Variants in SERGEF observed in about 807,000 individuals in gnomAD.
SERGEF encodes secretion regulating guanine nucleotide exchange factor.
A neutral mutation model predicts 50.0 loss-of-function variants in SERGEF; 51 were observed. The ratio of observed to expected loss-of-function variants is 1.02; its 90% CI spans 0.81 to 1.29. The LOEUF (loss-of-function observed/expected upper bound fraction) is 1.29. Among genes scored for constraint, SERGEF ranks in the 50% most tolerant of loss-of-function variants. SERGEF has a pLI of 0.00. For missense variants in SERGEF, 521 were observed against 557.0 expected (o/e 0.94, Z 0.65); for synonymous variants, 205 against 212.4 (o/e 0.97, Z 0.30).
At chr11:17,875,825 T>C (rs1374948892) in intron 10 of SERGEF, among the ~76,000 whole-genome samples, 2 of 152,242 alleles carry the variant, frequency 1.3e-5, no homozygotes, top group African/African-American at 4.8e-5. Flanking sequence ...TGTTCTCTTC[T>C]AGTCTAGTCT....
intron 9 of SERGEF, among the ~76,000 whole-genome samples, chr11:17,879,824 G>A (rs1050751219): frequency 2.6e-5 from 4 of 151,868 alleles, no homozygotes; most frequent in African/African-American, 9.7e-5. Context: ...ACATCATATT[G>A]TATACAGTAA....
intron 10 of SERGEF, among the ~76,000 whole-genome samples, chr11:17,812,279 G>C (rs982349135): frequency 9.9e-5 from 15 of 152,148 alleles, no homozygotes; most frequent in Non-Finnish European, 2.2e-4. Context: ...CCTTAAGAGG[G>C]GTAGGCACAA....
rs1458848979 is a variant in SERGEF, at chr11:17,888,069, G to C, written c.1012-9825C>G. On this transcript the variant is annotated intron_variant, in intron 9 of 10. Coordinates refer to ENST00000265965, the MANE Select transcript of SERGEF (RefSeq NM_012139.4). This position sits in a 1 kb window ranked among gnomAD's most constrained non-coding sequence, Gnocchi z 4.1. ...CCCTATTGTGAACTCCGCGTGGGAG[G>C]GATCTAGGCTGCGCAATCCTTATGA... is the stretch of plus-strand genomic sequence containing the variant. Among the ~76,000 whole-genome samples the C allele has an allele frequency of 1.3e-5, 2 of 152,152 alleles. No individual in the cohort carries two copies. The highest frequency in any genetic ancestry group is 2.9e-5 in the Non-Finnish European group (2 of 68,034).
chr11:17,987,767 A>T (rs1853630600), intron 8 of SERGEF, among the ~76,000 whole-genome samples: 1 of 152,216 alleles, frequency 6.6e-6, no homozygotes, highest in African/African-American at 2.4e-5. Context: ...CTGAAATAAG[A>T]GTCACTAGAT....
At chr11:17,798,503 G>C (rs1356420085) in intron 10 of SERGEF, among the ~76,000 whole-genome samples, 1 of 152,250 alleles carries the variant, frequency 6.6e-6, no homozygotes, top group East Asian at 1.9e-4. Flanking sequence ...GGCTGCTGAG[G>C]CTGCTGTGGA....
At chr11:17,902,476 T>C (rs1227093103) in intron 9 of SERGEF, among the ~76,000 whole-genome samples, 2 of 152,004 alleles carry the variant, frequency 1.3e-5, no homozygotes, top group Non-Finnish European at 2.9e-5. Flanking sequence ...AGTTGGTGAG[T>C]GCAGATGAAC....
chr11:17,799,135 C>A (rs1173284112), intron 10 of SERGEF, among the ~76,000 whole-genome samples: 1 of 152,136 alleles, frequency 6.6e-6, no homozygotes, highest in Non-Finnish European at 1.5e-5. Flanking sequence ...CCTACCAGGG[C>A]CCCCTCAGCA....
chr11:17,965,870 T>C (rs144406928), intron 8 of SERGEF, among the ~76,000 whole-genome samples: 4 of 152,234 alleles, frequency 2.6e-5, no homozygotes, highest in Non-Finnish European at 5.9e-5. Context: ...CAGCTCTAAG[T>C]CTTATCTGCA....
At chr11:17,908,063 A>G (rs1379783573) in intron 9 of SERGEF, among the ~76,000 whole-genome samples, 5 of 152,198 alleles carry the variant, frequency 3.3e-5, no homozygotes, top group Admixed American at 3.3e-4. Context: ...TCACTGTCAC[A>G]GTTTTCTGAC....
At chr11:17,802,313 A>C (rs1849685154) in intron 10 of SERGEF, among the ~76,000 whole-genome samples, 1 of 152,226 alleles carries the variant, frequency 6.6e-6, no homozygotes, top group Non-Finnish European at 1.5e-5. Flanking sequence ...ACAAATGAAG[A>C]TAAGGAAGCC....
intron 3 of SERGEF, among the ~76,000 whole-genome samples, chr11:18,006,268 C>A (rs1854071751): frequency 6.6e-6 from 1 of 152,198 alleles, no homozygotes. Context: ...AAGTGATTCG[C>A]CTGCCTCGGC....
intron 9 of SERGEF, among the ~76,000 whole-genome samples, chr11:17,933,815 G>A (rs1349482139): frequency 6.6e-6 from 1 of 151,988 alleles, no homozygotes; most frequent in Non-Finnish European, 1.5e-5. Context: ...CTAAATTTTG[G>A]ATCATCAAAA....
chr11:17,998,007 GATA>G (rs1853873296), intron 5 of SERGEF, among the ~76,000 whole-genome samples: 2 of 152,068 alleles, frequency 1.3e-5, no homozygotes, highest in Middle Eastern at 3.4e-3. Context: ...AAATGGTTAA[GATA>G]ATAAACTGTA....
intron 10 of SERGEF, among the ~76,000 whole-genome samples, chr11:17,806,772 G>T (rs536820095): frequency 3.2e-4 from 48 of 152,302 alleles, no homozygotes; most frequent in African/African-American, 1.1e-3. Flanking sequence ...GGTAGAATCT[G>T]GGTGGCGTGA....
chr11:17,838,781 T>A (rs1387206277), intron 10 of SERGEF, among the ~76,000 whole-genome samples: 1 of 152,216 alleles, frequency 6.6e-6, no homozygotes, highest in Non-Finnish European at 1.5e-5. Context: ...TCTACTCTAA[T>A]TATTAATATC....
At chr11:17,977,364 A>G (rs1416560855) in intron 8 of SERGEF, among the ~76,000 whole-genome samples, 1 of 152,240 alleles carries the variant, frequency 6.6e-6, no homozygotes, top group Non-Finnish European at 1.5e-5. Context: ...CAGGAATCAC[A>G]GAGACGAGCA....
At chr11:17,841,996 CT>C (rs1217581821) in intron 10 of SERGEF, among the ~76,000 whole-genome samples, 2 of 152,218 alleles carry the variant, frequency 1.3e-5, no homozygotes, top group Non-Finnish European at 2.9e-5. Context: ...GTGAGGACCC[CT>C]ATCATACATT....
chr11:17,812,090 T>C (rs1388564211), intron 10 of SERGEF, among the ~76,000 whole-genome samples: 1 of 152,182 alleles, frequency 6.6e-6, no homozygotes, highest in Non-Finnish European at 1.5e-5. Flanking sequence ...AGGAGGCAGC[T>C]GGTGGGTCCA....
intron 9 of SERGEF, among the ~76,000 whole-genome samples, chr11:17,895,284 A>G (rs930164570): frequency 2.6e-5 from 4 of 152,228 alleles, no homozygotes; most frequent in African/African-American, 9.6e-5. Flanking sequence ...CTGGGATTAA[A>G]AAGTCAATAA....
Sources: allele counts gnomAD v4.1 joint callset (sites outside exome capture counted in the v4.1 genomes callset), GRCh38; gene constraint gnomAD v4.1.1; non-coding constraint Gnocchi (gnomAD v3.1); transcripts MANE v1.5; gene names NCBI Gene and HGNC (gene_info 2026-07-23, HGNC 2026-07-21).